PTPRN2: variants seen among roughly 807,000 people sequenced by gnomAD.
The protein encoded by PTPRN2 is receptor-type tyrosine-protein phosphatase N2.
In PTPRN2, 74 loss-of-function variants were observed where a neutral mutation model predicts 118.8. That is an observed-to-expected ratio of 0.62 (90% CI 0.52 to 0.76). PTPRN2 has a LOEUF of 0.76. Among genes scored for constraint, PTPRN2 ranks in the 30% least tolerant of loss-of-function variants. PTPRN2 has a pLI of 0.00. For missense variants in PTPRN2, 1,481 were observed against 1,394.4 expected (o/e 1.06, Z -0.99); for synonymous variants, 641 against 608.0 (o/e 1.05, Z -0.80).
chr7:157,649,112 A>G (rs1397405862), intron 14 of PTPRN2, among the ~76,000 whole-genome samples: 13 of 128,198 alleles, frequency 1.0e-4, no homozygotes, highest in African/African-American at 3.7e-4. Context: ...GGTGGGTCGG[A>G]CCCATTCACT....
chr7:158,053,932 G>A (rs964472748), intron 11 of PTPRN2, among the ~76,000 whole-genome samples: 7 of 150,954 alleles, frequency 4.6e-5, no homozygotes, highest in Non-Finnish European at 8.9e-5. Flanking sequence ...CTCCAGAGAC[G>A]CAGAGACTCC....
chr7:157,669,506 C>A (rs377535990), intron 13 of PTPRN2: 2 of 480,120 alleles, frequency 4.2e-6, no homozygotes, highest in East Asian at 6.3e-5. Context: ...GGCCCCTCCC[C>A]GCTCCTGACA....
chr7:158,564,522 G>C (rs938765175), intron 1 of PTPRN2, among the ~76,000 whole-genome samples: 1 of 152,254 alleles, frequency 6.6e-6, no homozygotes, highest in African/African-American at 2.4e-5. Flanking sequence ...CTGAAGCATG[G>C]AACCAACACG....
chr7:158,440,914 A>G (rs1586677910), intron 2 of PTPRN2, among the ~76,000 whole-genome samples: 2 of 133,058 alleles, frequency 1.5e-5, no homozygotes, highest in African/African-American at 6.4e-5. Flanking sequence ...GGTGATGATG[A>G]TGGTAGTGAT....
rs1802694027 is a variant in PTPRN2 at position 157,615,379 on chromosome 7, C to A, written c.2344+5983G>T. On this transcript the variant is annotated intron_variant, in intron 15 of 22. Transcript: ENST00000389418. This position sits in a 1 kb window ranked among gnomAD's most constrained non-coding sequence, Gnocchi z 4.3. ...GAGCCGCTGACCTTGGGCTCCCTAA[C>A]CTCCTTCAGCCCCAGCTCTGTCCCT... 3 of 461,768 alleles carry A rather than the reference C, an allele frequency of 6.5e-6. No homozygotes were observed. The allele number at this position is 461,768 out of a possible 1,614,324, so 28.6% of individuals were successfully genotyped here. A position where few individuals can be genotyped will look rare whatever the true frequency, so the allele number is the denominator to read the frequency against.
intron 2 of PTPRN2, among the ~76,000 whole-genome samples, chr7:158,364,174 G>A (rs937202516): frequency 7.0e-6 from 1 of 143,022 alleles, no homozygotes; most frequent in East Asian, 2.1e-4. Context: ...TCTGCCTCTC[G>A]CCATGCTTCC....
chr7:158,070,981 CCGTGGTGGTGGAGGTGCT>C (rs1234633544), intron 11 of PTPRN2, among the ~76,000 whole-genome samples: 3 of 58,310 alleles, frequency 5.1e-5, no homozygotes, highest in Non-Finnish European at 9.7e-5. Flanking sequence ...GTGGAGGTGC[CCGTGGTGGTGGAGGTGCT>C]CATGGTGGTG....
chr7:158,489,920 A>G, intron 1 of PTPRN2, 135 bp from the exon 2 acceptor site: 1 of 809,842 alleles, frequency 1.2e-6, no homozygotes, highest in Non-Finnish European at 2.0e-6. Context: ...GGCTTTTCCG[A>G]GATGGGGCCG....
At chr7:157,862,686 G>A (rs1810328037) in intron 12 of PTPRN2, 1 of 152,280 alleles carries the variant, frequency 6.6e-6, no homozygotes, top group African/African-American at 2.4e-5. Flanking sequence ...CAGTCCCTGA[G>A]ATTTAAAAAC....
At chr7:158,250,756 A>C (rs572220668) in intron 3 of PTPRN2, among the ~76,000 whole-genome samples, 1 of 152,204 alleles carries the variant, frequency 6.6e-6, no homozygotes, top group East Asian at 1.9e-4. Flanking sequence ...TCAAATCAAC[A>C]TCAGCTGACT....
rs1420991182 is a variant in PTPRN2 at position 158,483,955 on chromosome 7, TAGTG to T, written c.163+5776_163+5779del. On this transcript the variant is annotated intron_variant, in intron 2 of 22. Transcript: ENST00000389418. Reference sequence around the variant, plus strand: ...GAGTTCAAGACTAGCCTGGGAAACATAGTGAGACTCCATCACTGCAAAAAAAAAA... The same window carrying T: ...GAGTTCAAGACTAGCCTGGGAAACATAGACTCCATCACTGCAAAAAAAAAA... Among the ~76,000 whole-genome samples, 5 of 152,056 alleles carry T rather than the reference TAGTG, an allele frequency of 3.3e-5. No homozygotes were observed. The East Asian group carries it at 9.7e-4, about 30-fold the overall frequency.
At chr7:157,809,895 G>A (rs1025845339) in intron 12 of PTPRN2, among the ~76,000 whole-genome samples, 43 of 152,344 alleles carry the variant, frequency 2.8e-4, no homozygotes, top group African/African-American at 9.9e-4. Flanking sequence ...CCCATGGGAT[G>A]GACTTGCTGT....
intron 12 of PTPRN2, among the ~76,000 whole-genome samples, chr7:157,752,552 G>A (rs74711146): frequency 0.023 from 3,477 of 152,240 alleles, 73 homozygotes; most frequent in African/African-American, 0.053. Context: ...CTGCTTCCCT[G>A]TTTCCAGCTG....
intron 4 of PTPRN2, among the ~76,000 whole-genome samples, chr7:158,196,151 C>T (rs1826195287): frequency 6.6e-6 from 1 of 152,222 alleles, no homozygotes; most frequent in African/African-American, 2.4e-5. Flanking sequence ...ACTGTTTGCT[C>T]TCATTTTTTT....
intron 2 of PTPRN2, among the ~76,000 whole-genome samples, chr7:158,354,411 T>C (rs1441277494): frequency 6.6e-6 from 1 of 151,968 alleles, no homozygotes; most frequent in Non-Finnish European, 1.5e-5. Flanking sequence ...TGAGCTCTCA[T>C]CAAGAAATCA....
At chr7:157,896,510 C>T (rs116873039) in intron 12 of PTPRN2, among the ~76,000 whole-genome samples, 1,229 of 113,770 alleles carry the variant, frequency 0.011, no homozygotes, top group East Asian at 0.023. Context: ...CTCAGGTGCG[C>T]GTGGGAAGGA....
chr7:158,373,163 A>G (rs1810228305), intron 2 of PTPRN2, among the ~76,000 whole-genome samples: 1 of 152,242 alleles, frequency 6.6e-6, no homozygotes, highest in Non-Finnish European at 1.5e-5. Flanking sequence ...ATCGGCATTT[A>G]TAAGACTAAT....
chr7:158,072,836 C>G (rs567899881), intron 11 of PTPRN2, among the ~76,000 whole-genome samples: 1 of 152,144 alleles, frequency 6.6e-6, no homozygotes, highest in African/African-American at 2.4e-5. Context: ...AACGGGCTGG[C>G]GGAACATAAT....
At chr7:157,781,149 C>T (rs1367934847) in intron 12 of PTPRN2, among the ~76,000 whole-genome samples, 2 of 152,202 alleles carry the variant, frequency 1.3e-5, no homozygotes, top group African/African-American at 4.8e-5. Flanking sequence ...AGAGCACTGC[C>T]CTGCCACAGC....
Sources: gnomAD v4.1 joint callset for allele counts (sites outside exome capture counted in the v4.1 genomes callset) on GRCh38, gnomAD v4.1.1 for gene constraint, Gnocchi (gnomAD v3.1) non-coding constraint, MANE v1.5 for transcripts, NCBI Gene and HGNC (gene_info 2026-07-23, HGNC 2026-07-21) for gene names.